MYO5A: variants seen among roughly 807,000 people sequenced by gnomAD.
MYO5A encodes myosin VA, also known as unconventional myosin-Va.
A neutral mutation model predicts 249.7 loss-of-function variants in MYO5A; 98 were observed. The ratio of observed to expected loss-of-function variants is 0.39; its 90% confidence interval spans 0.33 to 0.46. The LOEUF (loss-of-function observed/expected upper bound fraction) is 0.46, where lower values mean the gene tolerates loss of function less well. MYO5A is among the 20% of genes least tolerant of loss of function. The probability of loss-of-function intolerance (pLI) is 0.98; values close to 1 mark genes in which losing one functional copy is unlikely to be tolerated. For synonymous variants in MYO5A, 778 were observed against 810.6 expected, an observed-to-expected ratio of 0.96 and a Z score of 0.68; for missense variants, 1,696 against 2,308.8, an observed-to-expected ratio of 0.73 and a Z score of 5.44.
rs753913596 is a variant in MYO5A at position 52,309,955 on chromosome 15, C to G, written c.*3741G>C. 6.6e-6 allele frequency: 1 copy of G among 152,098 alleles called. No individual in the cohort carries two copies. The highest frequency in any genetic ancestry group is 2.4e-5 in the African/African-American group (1 of 41,420). 9.4% of individuals were successfully genotyped at this position (152,098 alleles called of 1,614,324 possible). On this transcript the variant is annotated 3_prime_UTR_variant, in exon 42 of 42. Transcript: ENST00000399233. ...CCTAGGGTTACCATGAAAGTTATTT[C>G]TCACAACAATCACTGCACTGAAATT... is the stretch of plus-strand genomic sequence containing the variant.
chr15:52,429,352 G>A (rs1292253897), intron 2 of MYO5A, among the ~76,000 whole-genome samples: 4 of 152,000 alleles, frequency 2.6e-5, no homozygotes, highest in Admixed American at 1.3e-4. Flanking sequence ...TCAGGAGTTC[G>A]AGACCAGCCT....
chr15:52,472,315 G>A (rs1402771878), intron 1 of MYO5A, among the ~76,000 whole-genome samples: 1 of 152,116 alleles, frequency 6.6e-6, no homozygotes, highest in African/African-American at 2.4e-5. Flanking sequence ...GCCTGACCTC[G>A]TGATCGGCCC....
intron 1 of MYO5A, among the ~76,000 whole-genome samples, chr15:52,434,300 C>T (rs747759418): frequency 2.6e-5 from 4 of 152,018 alleles, no homozygotes; most frequent in African/African-American, 9.7e-5. Context: ...GCCCGGCCCA[C>T]AATTTGGATT....
rs572496215 is a variant in MYO5A, at chr15:52,477,267, G to A, written c.28-43982C>T. 9.9e-5 allele frequency among the ~76,000 whole-genome samples: 15 copies of A among 152,218 alleles called. No homozygotes were observed. The South Asian group carries it at 1.5e-3, about 15-fold the overall frequency. On this transcript the variant is annotated intron_variant, in intron 1 of 41. Transcript: ENST00000399233. ...TCAGGTAATTTAAGGTCTTCTCTACGCTGTTTACTCTAGTTAGCCATTCGT... is the reference window on the plus strand; with the variant it reads ...TCAGGTAATTTAAGGTCTTCTCTACACTGTTTACTCTAGTTAGCCATTCGT...
In MYO5A at chr15:52,370,467, TG is replaced by T. The variant is rs780810365; in HGVS notation, c.2818-51del. The T allele has an allele frequency of 2.9e-5, 45 of 1,549,488 alleles. No homozygotes were observed. In the Admixed American group the frequency reaches 7.5e-4, roughly 26 times the overall value. Reference sequence around the variant, plus strand: ...ATAAGTAAATACACATATCATCAAATGTATTTAGTAAGAAAACCATGTTTAT... The same window carrying T: ...ATAAGTAAATACACATATCATCAAATTATTTAGTAAGAAAACCATGTTTAT... On this transcript the variant is annotated intron_variant, in intron 21 of 41. Coordinates refer to ENST00000399233, the MANE Select transcript of MYO5A (RefSeq NM_001382347.1).
intron 1 of MYO5A, among the ~76,000 whole-genome samples, chr15:52,508,503 T>C (rs1451970973): frequency 1.3e-5 from 2 of 152,146 alleles, no homozygotes; most frequent in African/African-American, 4.8e-5. Flanking sequence ...GTCCTATGTG[T>C]TCTAAATCCC....
rs187564392 is a variant in MYO5A at position 52,337,101 on chromosome 15, A to G, written c.4315-545T>C. Among the ~76,000 whole-genome samples, 52 of 152,346 alleles carry G rather than the reference A, an allele frequency of 3.4e-4. No homozygotes were observed. The East Asian group carries it at 6.9e-3, about 20-fold the overall frequency. ...GTTGAAAAAAATAATCACAAAGAAC[A>G]GGATAAAGAGTGGTCTGCTTACCTA... On this transcript the variant is annotated intron_variant, in intron 33 of 41. Transcript: ENST00000399233.
intron 1 of MYO5A, among the ~76,000 whole-genome samples, chr15:52,466,294 C>A (rs756427040): frequency 3.9e-5 from 6 of 152,142 alleles, no homozygotes; most frequent in Non-Finnish European, 7.4e-5. Context: ...GTGGGAGGGG[C>A]TCCCACAGCC....
chr15:52,437,538 T>C (rs2075690984), intron 1 of MYO5A, among the ~76,000 whole-genome samples: 1 of 132,900 alleles, frequency 7.5e-6, no homozygotes, highest in Non-Finnish European at 1.5e-5. Context: ...GAGGTTGCAG[T>C]GAGCTAAGAT....
intron 12 of MYO5A, among the ~76,000 whole-genome samples, chr15:52,389,969 A>G (rs2042146443): frequency 6.6e-6 from 1 of 152,184 alleles, no homozygotes; most frequent in Non-Finnish European, 1.5e-5. Context: ...AAAGAAAAAC[A>G]AAAAAGCCTC....
At chr15:52,320,449 G>A (rs1183947762) in intron 38 of MYO5A, among the ~76,000 whole-genome samples, 1 of 152,184 alleles carries the variant, frequency 6.6e-6, no homozygotes, top group Non-Finnish European at 1.5e-5. Context: ...CAAAGCAATA[G>A]AAAAACTGGC....
rs777936367 is a variant in MYO5A, at chr15:52,375,450, A to G, written c.2431T>C (p.Phe811Leu). 15 of 1,614,006 alleles carry G rather than the reference A, an allele frequency of 9.3e-6. No individual in the cohort carries two copies. The African/African-American group carries it at 2.0e-4, about 22-fold the overall frequency. The change falls in exon 20 of 42, where the codon TTT becomes CTT. Residue 811 changes from phenylalanine to leucine, a missense_variant. Physicochemically the swap from Phe to Leu is conservative, Grantham distance 22. Coordinates refer to ENST00000399233, the MANE Select transcript of MYO5A (RefSeq NM_001382347.1). ...RGYQARCYAKFLRRTKAATII... is the reference protein window; with the variant it reads ...RGYQARCYAKLLRRTKAATII... ...GTTGCTGCCTTGGTTCTGCGCAGAAACTTAGCATAGCTGGCCAAAGAAAAT... is the reference window on the plus strand; with the variant it reads ...GTTGCTGCCTTGGTTCTGCGCAGAAGCTTAGCATAGCTGGCCAAAGAAAAT...
chr15:52,313,585 G>T lies in MYO5A; in HGVS notation c.*111C>A. The T allele has an allele frequency of 7.6e-7, 1 of 1,323,884 alleles. No individual in the cohort carries two copies. Among genetic ancestry groups the T allele is most frequent in the African/African-American group, 1.5e-5 (1 of 68,510 alleles). The allele number at this position is 1,323,884 out of a possible 1,614,324, so 82.0% of individuals were successfully genotyped here. A position where few individuals can be genotyped will look rare whatever the true frequency, so the allele number is the denominator to read the frequency against. On this transcript the variant is annotated 3_prime_UTR_variant, in exon 42 of 42. Transcript: ENST00000399233. ...TTCCAGTTAATGACTTCTCATTTGG[G>T]AGATAATCAGTACTTTCTCTTTAAA...
In MYO5A at chr15:52,312,404, C is replaced by T. The variant is rs1461213482; in HGVS notation, c.*1292G>A. On this transcript the variant is annotated 3_prime_UTR_variant, in exon 42 of 42. Coordinates refer to ENST00000399233, the MANE Select transcript of MYO5A (RefSeq NM_001382347.1). ...CCAAGGCAGTGTCTCTCTCTGTCAC[C>T]CAGGCTGGAGTGCAGTGGTTCGATC... 1 of 152,084 alleles carries T rather than the reference C, an allele frequency of 6.6e-6. No homozygotes were observed. Among genetic ancestry groups the T allele is most frequent in the Non-Finnish European group, 1.5e-5 (1 of 68,014 alleles). The allele number at this position is 152,084 out of a possible 1,614,324, so 9.4% of individuals were successfully genotyped here.
chr15:52,396,289 G>A, intron 11 of MYO5A, 27 bp downstream of exon 11: 1 of 1,251,424 alleles, frequency 8.0e-7, no homozygotes, highest in Non-Finnish European at 1.2e-6. Context: ...TTATAGCAGA[G>A]TATTATTCAA....
chr15:52,339,072 A>G (rs1189693645), intron 32 of MYO5A, among the ~76,000 whole-genome samples: 1 of 152,188 alleles, frequency 6.6e-6, no homozygotes, highest in East Asian at 1.9e-4. Context: ...CACTTTGGAA[A>G]GAGCCCACAC....
chr15:52,324,002 C>CAAAAAAAAAAAAAAAAAAAAAAAA lies in MYO5A; in HGVS notation c.4711-582_4711-559dup, dbSNP rs56227811. On this transcript the variant is annotated intron_variant, in intron 36 of 41. Coordinates refer to ENST00000399233, the MANE Select transcript of MYO5A (RefSeq NM_001382347.1). The stretch of plus-strand genomic sequence containing the variant: ...CTAGAGACAGAACGAGACTCTGTCT[C>CAAAAAAAAAAAAAAAAAAAAAAAA]AAAAAAAAAAAAAAAAAAAAAAAAA... The CAAAAAAAAAAAAAAAAAAAAAAAA allele has an allele frequency of 9.9e-5, 4 of 40,250 alleles. 1 individual carries two copies. The highest frequency in any genetic ancestry group is 2.0e-4 in the Non-Finnish European group (3 of 14,936). The allele number at this position is 40,250 out of a possible 1,614,324, so 2.5% of individuals were successfully genotyped here. A position where few individuals can be genotyped will look rare whatever the true frequency, so the allele number is the denominator to read the frequency against.
intron 1 of MYO5A, among the ~76,000 whole-genome samples, chr15:52,513,645 G>A (rs2077441102): frequency 6.6e-6 from 1 of 151,590 alleles, no homozygotes. Flanking sequence ...TGGCCAGGCT[G>A]GTCTCGAACT....
chr15:52,495,464 C>A (rs2077018993), intron 1 of MYO5A, among the ~76,000 whole-genome samples: 2 of 151,464 alleles, frequency 1.3e-5, no homozygotes, highest in Admixed American at 6.6e-5. Flanking sequence ...AGAGTAAGTT[C>A]CAGAGATCTA....
Sources: allele counts gnomAD v4.1 joint callset (sites outside exome capture counted in the v4.1 genomes callset), GRCh38; gene constraint gnomAD v4.1.1; transcripts MANE v1.5; gene names NCBI Gene and HGNC (gene_info 2026-07-23, HGNC 2026-07-21).